PCDHA9: variants seen among roughly 807,000 people sequenced by gnomAD.
PCDHA9 encodes the protein protocadherin alpha 9, also known as protocadherin alpha-9.
Under a neutral mutation model 62.0 loss-of-function variants are expected in PCDHA9, and 62 were observed. The observed-to-expected ratio is 1.00, with a 90% CI of 0.81 to 1.23. The LOEUF (loss-of-function observed/expected upper bound fraction) is 1.23. Among genes scored for constraint, PCDHA9 ranks in the 50% most tolerant of loss-of-function variants. The pLI, the probability that PCDHA9 is intolerant of heterozygous loss-of-function variation, is 0.00. For missense variants in PCDHA9, 1,205 were observed against 1,249.8 expected, an observed-to-expected ratio of 0.96 and a Z score of 0.54; for synonymous variants, 557 against 567.6, an observed-to-expected ratio of 0.98 and a Z score of 0.27.
chr5:140,870,308 A>G, intron 1 of PCDHA9: 1 of 1,614,140 alleles, frequency 6.2e-7, no homozygotes, highest in Non-Finnish European at 8.5e-7. Context: ...ACCTTCAAGA[A>G]TTACTACTCG....
rs548429892 is a variant in PCDHA9 at position 140,891,971 on chromosome 5, G to A, written c.2394+41082G>A. Among the ~76,000 whole-genome samples the A allele has an allele frequency of 9.9e-5, 15 of 152,232 alleles. No homozygotes were observed. In the South Asian group the frequency reaches 1.9e-3, roughly 19 times the overall value. On this transcript the variant is annotated intron_variant, in intron 1 of 3. Transcript: ENST00000532602. ...CCAGAATTGTGAGAAGTAAATTTCC[G>A]TTCTCATAAATTACTCAGTCTGTGG...
At chr5:140,911,591 A>G (rs2075552073) in intron 1 of PCDHA9, among the ~76,000 whole-genome samples, 2 of 152,222 alleles carry the variant, frequency 1.3e-5, no homozygotes, top group Non-Finnish European at 1.5e-5. Context: ...AGGAGGAACC[A>G]ACCAACTTCA....
rs2150473987 is a variant in PCDHA9 at position 140,850,218 on chromosome 5, G to C, written c.1723G>C (p.Gly575Arg). ...LLTPRMRGTD[G>R]AVSEMVLRSV... ...GACACCTCGGATGAGGGGCACTGAC[G>C]GCGCAGTGAGCGAGATGGTGCTGCG... is the stretch of plus-strand genomic sequence containing the variant. Residue 575 changes from glycine to arginine, a missense_variant, in exon 1 of 4, where the codon GGC (glycine) becomes CGC (arginine). Gly to Arg is a moderately radical substitution (Grantham distance 125, BLOSUM62 -2). This residue lies in a region of PCDHA9 where 887 missense variants were observed against 809.5 expected (regional missense o/e 1.10). Transcript: ENST00000532602. 11 of 1,593,684 alleles carry C rather than the reference G, an allele frequency of 6.9e-6. 1 individual carries two copies. The highest frequency in any genetic ancestry group is 4.4e-5 in the South Asian group (4 of 90,424).
At chr5:140,996,123 G>A (rs1554255007) in intron 3 of PCDHA9, among the ~76,000 whole-genome samples, 2 of 152,238 alleles carry the variant, frequency 1.3e-5, no homozygotes, top group African/African-American at 2.4e-5. Flanking sequence ...GCAGGGTGGT[G>A]TAGAGGGTTC....
chr5:140,963,483 T>C (rs1228943699), intron 1 of PCDHA9, among the ~76,000 whole-genome samples: 1 of 152,246 alleles, frequency 6.6e-6, no homozygotes, highest in Non-Finnish European at 1.5e-5. Flanking sequence ...GGTAAATCTC[T>C]TGTGAGGAAA....
intron 1 of PCDHA9, among the ~76,000 whole-genome samples, chr5:140,976,501 A>G (rs568983330): frequency 6.6e-6 from 1 of 152,240 alleles, no homozygotes; most frequent in East Asian, 1.9e-4. Context: ...CAGGGAGCCA[A>G]GATCGCGCCA....
At chr5:140,948,979 G>T (rs2094330965) in intron 1 of PCDHA9, among the ~76,000 whole-genome samples, 1 of 151,514 alleles carries the variant, frequency 6.6e-6, no homozygotes, top group South Asian at 2.1e-4. Flanking sequence ...AGTATGAACT[G>T]CTTTATTTGC....
chr5:140,933,423 A>G (rs2089141997), intron 1 of PCDHA9, among the ~76,000 whole-genome samples: 1 of 152,144 alleles, frequency 6.6e-6, no homozygotes, highest in Non-Finnish European at 1.5e-5. Flanking sequence ...TTCTGTGTTC[A>G]TAGGGGCACT....
Position 140,850,136 on chromosome 5 carries a change from C to A in PCDHA9, c.1641C>A (p.Ser547Arg). The change falls in exon 1 of 4, where the codon AGC becomes AGA. Residue 547 changes from serine (S) to arginine (R), a missense_variant. Ser to Arg is a moderately radical substitution (Grantham distance 110). Coordinates refer to ENST00000532602, the MANE Select transcript of PCDHA9 (RefSeq NM_031857.2). ...ACGCGGGCGTGCCGCCTCTGGGCAG[C>A]AACGTGACGCTGCAGGTGTTCGTGC... ...ARDAGVPPLG[S>R]NVTLQVFVLD... The A allele has an allele frequency of 6.3e-7, 1 of 1,595,682 alleles. No individual in the cohort carries two copies. The highest frequency in any genetic ancestry group is 8.6e-7 in the Non-Finnish European group (1 of 1,167,850).
intron 1 of PCDHA9, among the ~76,000 whole-genome samples, chr5:140,922,883 T>A (rs963654982): frequency 2.6e-5 from 4 of 152,134 alleles, no homozygotes; most frequent in Admixed American, 2.0e-4. Flanking sequence ...TCCAAAGACA[T>A]CATTCAAGAA....
chr5:140,883,787 T>C (rs2059820580), intron 1 of PCDHA9: 2 of 1,612,408 alleles, frequency 1.2e-6, no homozygotes, highest in Non-Finnish European at 1.7e-6. Context: ...GCTGTCGAGC[T>C]ACGTGTCGGT....
At chr5:140,949,203 T>C (rs879971307) in intron 1 of PCDHA9, among the ~76,000 whole-genome samples, 13 of 151,790 alleles carry the variant, frequency 8.6e-5, no homozygotes, top group East Asian at 1.9e-4. Flanking sequence ...TTCAGTCTTT[T>C]AAAAATCTGT....
rs2041561857 is a variant in PCDHA9, at chr5:140,850,375, A to AT, written c.1880_1881insT (p.Thr628HisfsTer82). 6.3e-7 allele frequency: 1 copy of AT among 1,597,746 alleles called. No homozygotes were observed. Among genetic ancestry groups the AT allele is most frequent in the Non-Finnish European group, 8.6e-7 (1 of 1,167,652 alleles). Reference sequence around the variant, plus strand: ...AGCATCCCGTTCCGCGTGGGGCTGTACACGGGCGAGATCAGCACAACGCGT... The same window carrying AT: ...AGCATCCCGTTCCGCGTGGGGCTGTATCACGGGCGAGATCAGCACAACGCGT... On this transcript the variant is annotated frameshift_variant, in exon 1 of 4. Coordinates refer to ENST00000532602, the MANE Select transcript of PCDHA9 (RefSeq NM_031857.2). LOFTEE classifies it high-confidence loss of function.
chr5:140,861,533 C>T (rs890249596), intron 1 of PCDHA9: 6 of 446,700 alleles, frequency 1.3e-5, no homozygotes, highest in South Asian at 7.2e-5. Context: ...TCTCGGAGTG[C>T]AGCATCCACC....
At chr5:140,968,909 G>T in intron 1 of PCDHA9, 1 of 1,614,172 alleles carries the variant, frequency 6.2e-7, no homozygotes, top group East Asian at 2.2e-5. Flanking sequence ...ATTAAGCACA[G>T]TGTCTTTTAT....
intron 1 of PCDHA9, among the ~76,000 whole-genome samples, chr5:140,894,202 A>G (rs1554185980): frequency 6.6e-6 from 1 of 152,034 alleles, no homozygotes. Context: ...TTTCTATGCT[A>G]TTATATTCTC....
intron 1 of PCDHA9, among the ~76,000 whole-genome samples, chr5:140,944,993 G>A (rs529303280): frequency 6.6e-5 from 10 of 152,054 alleles, no homozygotes; most frequent in African/African-American, 2.2e-4. Context: ...CTTCTGTAAC[G>A]GTTGTGGGTC....
Position 140,848,447 on chromosome 5 carries a change from C to G in PCDHA9, c.-49C>G. 1 of 1,507,352 alleles carries G rather than the reference C, an allele frequency of 6.6e-7. No individual in the cohort carries two copies. Among genetic ancestry groups the G allele is most frequent in the East Asian group, 2.3e-5 (1 of 44,400 alleles). The allele number at this position is 1,507,352 out of a possible 1,614,324, so 93.4% of individuals were successfully genotyped here. A position where few individuals can be genotyped will look rare whatever the true frequency, so the allele number is the denominator to read the frequency against. On this transcript the variant is annotated 5_prime_UTR_variant, in exon 1 of 4. Transcript: ENST00000532602. ...GACTGACGAAATCAGATGATTTCTT[C>G]TAATTTGGAGGCAATTTTCACTAAT...
At chr5:140,900,049 A>T (rs2067710838) in intron 1 of PCDHA9, among the ~76,000 whole-genome samples, 1 of 152,044 alleles carries the variant, frequency 6.6e-6, no homozygotes, top group Non-Finnish European at 1.5e-5. Flanking sequence ...GGCTCAAGTG[A>T]TCCTTTAACC....
Sources: allele counts gnomAD v4.1 joint callset (sites outside exome capture counted in the v4.1 genomes callset), GRCh38; gene constraint gnomAD v4.1.1; regional missense constraint gnomAD v4.1.1; transcripts MANE v1.5; gene names NCBI Gene and HGNC (gene_info 2026-07-23, HGNC 2026-07-21).